Variants in CALN1 observed in about 807,000 individuals in gnomAD.
CALN1 encodes the protein calneuron 1.
A neutral mutation model predicts 30.6 loss-of-function variants in CALN1; 17 were observed. The ratio of observed to expected loss-of-function variants is 0.56; its 90% confidence interval spans 0.38 to 0.83. The LOEUF is 0.83. Ranked by LOEUF, CALN1 falls within the 40% of genes least tolerant of loss-of-function variation. The pLI is 0.00. For missense variants in CALN1, 291 were observed against 354.9 expected, an observed-to-expected ratio of 0.82 and a Z score of 1.45; for synonymous variants, 156 against 131.4, an observed-to-expected ratio of 1.19 and a Z score of -1.28.
chr7:72,375,107 G>T (rs896692729), intron 2 of CALN1, among the ~76,000 whole-genome samples: 4 of 152,132 alleles, frequency 2.6e-5, no homozygotes, highest in Non-Finnish European at 5.9e-5. Context: ...TGTTATTGCT[G>T]CATAAAAAAT....
intron 5 of CALN1, among the ~76,000 whole-genome samples, chr7:71,891,961 A>G (rs190029872): frequency 6.6e-6 from 1 of 151,878 alleles, no homozygotes; most frequent in Non-Finnish European, 1.5e-5. Flanking sequence ...AATAAATAAA[A>G]AAAAAAATAA....
chr7:71,848,398 A>G (rs1010706427), intron 5 of CALN1, among the ~76,000 whole-genome samples: 1 of 152,218 alleles, frequency 6.6e-6, no homozygotes, highest in African/African-American at 2.4e-5. Context: ...AAAGAGGAAG[A>G]CCAAGAAGCA....
chr7:72,048,205 A>G (rs570758428), intron 4 of CALN1, among the ~76,000 whole-genome samples: 2 of 152,090 alleles, frequency 1.3e-5, no homozygotes, highest in Non-Finnish European at 2.9e-5. Context: ...GCACCCGGCT[A>G]ATTTTTGTAT....
intron 1 of CALN1, among the ~76,000 whole-genome samples, chr7:72,422,031 G>A (rs562779272): frequency 1.6e-4 from 25 of 152,112 alleles, no homozygotes; most frequent in Admixed American, 1.3e-3. Flanking sequence ...CTTGTGGATC[G>A]ACCCGCACTT....
intron 6 of CALN1, among the ~76,000 whole-genome samples, chr7:71,790,424 G>C (rs995177412): frequency 1.4e-5 from 2 of 147,950 alleles, no homozygotes; most frequent in Admixed American, 1.4e-4. Context: ...AAGAAAGAAA[G>C]AAGCAAGCAA....
intron 2 of CALN1, among the ~76,000 whole-genome samples, chr7:72,317,940 A>G (rs1307824804): frequency 3.9e-5 from 6 of 152,196 alleles, no homozygotes; most frequent in Non-Finnish European, 7.3e-5. Context: ...CCTTTAGGAA[A>G]AATATTTCAC....
intron 5 of CALN1, among the ~76,000 whole-genome samples, chr7:71,906,831 A>G (rs980134490): frequency 6.6e-6 from 1 of 152,208 alleles, no homozygotes; most frequent in South Asian, 2.1e-4. Flanking sequence ...GCAGCAGCCA[A>G]GGGTTTTGCA....
Position 72,343,399 on chromosome 7 carries a change from T to A in CALN1, c.119+59852A>T, listed in dbSNP as rs573265238. Among the ~76,000 whole-genome samples, 6 of 152,028 alleles carry A rather than the reference T, an allele frequency of 3.9e-5. No individual in the cohort carries two copies. The South Asian group carries it at 1.3e-3, about 32-fold the overall frequency. On this transcript the variant is annotated intron_variant, in intron 2 of 6. Coordinates refer to ENST00000395275, the MANE Select transcript of CALN1 (RefSeq NM_031468.4). ...CTGTTTCTACTGTAAATACAAAAAA[T>A]TAGCCAGGCATGGTGGCGCATGCCT...
chr7:72,346,586 G>A (rs1053344947), intron 2 of CALN1, among the ~76,000 whole-genome samples: 10 of 151,980 alleles, frequency 6.6e-5, no homozygotes, highest in African/African-American at 1.7e-4. Flanking sequence ...CACGATCTCG[G>A]CTCACTGCAA....
chr7:72,125,720 C>A (rs970324832), intron 3 of CALN1, among the ~76,000 whole-genome samples: 1 of 151,400 alleles, frequency 6.6e-6, no homozygotes, highest in Admixed American at 6.6e-5. Flanking sequence ...GCAGTGTACA[C>A]TGTACTCAAT....
At position 72,167,739 on chromosome 7, in the gene CALN1, G is replaced by A. The variant is rs571861437; in HGVS notation, c.245-61445C>T. 3.3e-5 allele frequency among the ~76,000 whole-genome samples: 5 copies of A among 152,282 alleles called. No homozygotes were observed. The South Asian group carries it at 8.3e-4, about 25-fold the overall frequency. On this transcript the variant is annotated intron_variant, in intron 3 of 6. Transcript: ENST00000395275. Reference sequence around the variant, plus strand: ...GGTTTTTCTTCCCTTAAAGACAGACGTTGGAGAAAATTATTTGTAGGATGC... The same window carrying A: ...GGTTTTTCTTCCCTTAAAGACAGACATTGGAGAAAATTATTTGTAGGATGC...
At chr7:72,325,129 G>A (rs530916531) in intron 2 of CALN1, among the ~76,000 whole-genome samples, 20 of 152,006 alleles carry the variant, frequency 1.3e-4, no homozygotes, top group South Asian at 1.0e-3. Context: ...GTGAAACCCC[G>A]TCTCTACAAA....
At chr7:72,112,170 C>G (rs1807626567) in intron 3 of CALN1, among the ~76,000 whole-genome samples, 1 of 152,148 alleles carries the variant, frequency 6.6e-6, no homozygotes, top group South Asian at 2.1e-4. Flanking sequence ...AGCAAAAGCA[C>G]AGCTATCGCA....
intron 2 of CALN1, among the ~76,000 whole-genome samples, chr7:72,299,921 G>A (rs1310245320): frequency 2.6e-5 from 4 of 151,462 alleles, no homozygotes; most frequent in Non-Finnish European, 5.9e-5. Flanking sequence ...TTTCTGAGAC[G>A]GAGTCTTGCT....
intron 3 of CALN1, among the ~76,000 whole-genome samples, chr7:72,187,427 G>A (rs559240244): frequency 2.6e-5 from 4 of 152,286 alleles, no homozygotes; most frequent in East Asian, 1.9e-4. Context: ...CACACAGCAG[G>A]AGGTGAGGGA....
At chr7:71,820,530 T>C (rs1023259229) in intron 5 of CALN1, among the ~76,000 whole-genome samples, 1 of 152,218 alleles carries the variant, frequency 6.6e-6, no homozygotes, top group Non-Finnish European at 1.5e-5. Context: ...TGTATGGACA[T>C]ACCACATTCA....
intron 6 of CALN1, among the ~76,000 whole-genome samples, chr7:71,797,987 CCCAGGAATGGAG>C (rs1787026673): frequency 6.6e-6 from 1 of 151,662 alleles, no homozygotes; most frequent in Non-Finnish European, 1.5e-5. Context: ...AGAGAGTCTG[CCCAGGAATGGAG>C]CTAACAGGGA....
intron 2 of CALN1, 64 bp downstream of exon 2, chr7:72,403,187 G>A (rs879493237): frequency 5.8e-5 from 77 of 1,325,746 alleles, no homozygotes; most frequent in Non-Finnish European, 7.6e-5. Flanking sequence ...TGGACCCCGC[G>A]CCACCCCCTA....
intron 5 of CALN1, among the ~76,000 whole-genome samples, chr7:71,981,220 A>C (rs1216483022): frequency 6.6e-6 from 1 of 152,208 alleles, no homozygotes; most frequent in Non-Finnish European, 1.5e-5. Context: ...CTCAGGAGAC[A>C]GAATCTCTCT....
Sources: allele counts gnomAD v4.1 joint callset (sites outside exome capture counted in the v4.1 genomes callset), GRCh38; gene constraint gnomAD v4.1.1; transcripts MANE v1.5; gene names NCBI Gene and HGNC (gene_info 2026-07-23, HGNC 2026-07-21).